The following RBM44 variants were observed in gnomAD, a reference collection of about 807,000 sequenced individuals.
The protein encoded by RBM44 is RNA binding motif protein 44.
Under a neutral mutation model 105.1 loss-of-function variants are expected in RBM44, and 66 were observed. The observed-to-expected ratio is 0.63, with a 90% CI of 0.52 to 0.77. RBM44 has a LOEUF of 0.77. Ranked by LOEUF, RBM44 falls within the 30% of genes least tolerant of loss-of-function variation. The pLI is 0.00. For synonymous variants in RBM44, 365 were observed against 417.6 expected (o/e 0.87, Z 1.54); for missense variants, 1,122 against 1,207.8 (o/e 0.93, Z 1.05).
chr2:237,815,754 C>G (rs1013835576), intron 2 of RBM44, among the ~76,000 whole-genome samples: 29 of 152,090 alleles, frequency 1.9e-4, no homozygotes, highest in African/African-American at 5.8e-4. Context: ...CCACTGCTCT[C>G]TCTCTTCCTC....
chr2:237,807,685 G>C (rs1037465626), intron 1 of RBM44, among the ~76,000 whole-genome samples: 5 of 152,226 alleles, frequency 3.3e-5, no homozygotes, highest in African/African-American at 1.2e-4. Context: ...CGGGTGATCA[G>C]AGGTGAGACC....
rs1195837337 is a variant in RBM44 at position 237,813,618 on chromosome 2, C to T, written c.9C>T (p.Ala3=). The T allele has an allele frequency of 1.2e-6, 2 of 1,603,648 alleles. No individual in the cohort carries two copies. The highest frequency in any genetic ancestry group is 1.7e-6 in the Non-Finnish European group (2 of 1,171,000). Residue 3 remains alanine, a synonymous_variant, in exon 2 of 16, where the codon GCC becomes GCT. Coordinates refer to ENST00000316997, the MANE Select transcript of RBM44 (RefSeq NM_001080504.3). The stretch of plus-strand genomic sequence containing the variant: ...TTATATATCTTTGAATGATGCAGGC[C>T]ACTGCAGTGGTGGAGACAGCATCTG... The part of the protein sequence containing the change: MQ[A]TAVVETASGK...
intron 10 of RBM44, among the ~76,000 whole-genome samples, chr2:237,825,932 C>T (rs181078489): frequency 5.9e-5 from 9 of 152,108 alleles, no homozygotes; most frequent in South Asian, 2.1e-4. Context: ...GGTATTATTA[C>T]CTAAGCTGAC....
At chr2:237,830,004 A>C (rs909961035) in intron 13 of RBM44, among the ~76,000 whole-genome samples, 1 of 152,128 alleles carries the variant, frequency 6.6e-6, no homozygotes, top group Non-Finnish European at 1.5e-5. Context: ...TTAAAAAAAA[A>C]ATTACGCACA....
At chr2:237,802,989 A>G (rs1389513088) in intron 1 of RBM44, among the ~76,000 whole-genome samples, 1 of 152,212 alleles carries the variant, frequency 6.6e-6, no homozygotes, top group Non-Finnish European at 1.5e-5. Context: ...CATTTTGGCC[A>G]GGTGCACTGG....
At chr2:237,840,207 A>AAG (rs1559925929) in intron 15 of RBM44, among the ~76,000 whole-genome samples, 1 of 151,164 alleles carries the variant, frequency 6.6e-6, no homozygotes, top group Admixed American at 6.6e-5. Context: ...AAAAAAAAAA[A>AAG]AAAGGGCACA....
At chr2:237,823,667 G>T (rs1340521948) in intron 9 of RBM44, 113 bp downstream of exon 9, 2 of 576,760 alleles carry the variant, frequency 3.5e-6, no homozygotes, top group Admixed American at 6.7e-5. Context: ...TGATGGAAAG[G>T]CATCATTCTG....
intron 8 of RBM44, 121 bp downstream of exon 8, chr2:237,821,948 T>C: frequency 1.5e-6 from 1 of 661,868 alleles, no homozygotes; most frequent in Non-Finnish European, 2.7e-6. Flanking sequence ...CTTTGTGTAC[T>C]ACCATTTGAG....
intron 9 of RBM44, 100 bp from the exon 10 acceptor site, chr2:237,824,191 A>G (rs542095903): frequency 9.7e-7 from 1 of 1,031,484 alleles, no homozygotes; most frequent in Non-Finnish European, 1.4e-6. Flanking sequence ...ATAAAACTCT[A>G]GTAGTCATCA....
Position 237,821,343 on chromosome 2 carries a change from C to A in RBM44, c.2098-3C>A, listed in dbSNP as rs1364695478. 1.3e-6 allele frequency: 2 copies of A among 1,562,814 alleles called. No individual in the cohort carries two copies. Among genetic ancestry groups the A allele is most frequent in the African/African-American group, 1.4e-5 (1 of 73,164 alleles). On this transcript the variant is annotated splice_region_variant and splice_polypyrimidine_tract_variant and intron_variant, in intron 6 of 15. Coordinates refer to ENST00000316997, the MANE Select transcript of RBM44 (RefSeq NM_001080504.3). ...GATTTTTTTTCCTTTTCTCTCCTTCCAGCTAATGAAAAAAGAAACACATGT... is the reference window on the plus strand; with the variant it reads ...GATTTTTTTTCCTTTTCTCTCCTTCAAGCTAATGAAAAAAGAAACACATGT...
intron 6 of RBM44, 45 bp from the exon 7 acceptor site, chr2:237,821,301 A>AAAACATTTT: frequency 1.3e-6 from 2 of 1,556,438 alleles, no homozygotes; most frequent in Non-Finnish European, 1.7e-6. Context: ...TCATTTAGAC[A>AAAACATTTT]AAACATTTTA....
intron 1 of RBM44, among the ~76,000 whole-genome samples, chr2:237,809,602 T>G (rs2150970861): frequency 6.6e-6 from 1 of 152,336 alleles, no homozygotes; most frequent in South Asian, 2.1e-4. Flanking sequence ...TTGGAATGCC[T>G]CAGTGCCTAA....
chr2:237,835,097 T>C (rs887821269), intron 15 of RBM44, among the ~76,000 whole-genome samples: 2 of 152,206 alleles, frequency 1.3e-5, no homozygotes, highest in African/African-American at 4.8e-5. Context: ...TTGTGACGCC[T>C]GTATGGTGAT....
At chr2:237,837,193 G>C (rs2061968713) in intron 15 of RBM44, among the ~76,000 whole-genome samples, 2 of 152,150 alleles carry the variant, frequency 1.3e-5, no homozygotes, top group African/African-American at 2.4e-5. Flanking sequence ...CAAGAACTCT[G>C]ATGGAGATGT....
At chr2:237,829,611 C>A in intron 13 of RBM44, 109 bp downstream of exon 13, 1 of 966,720 alleles carries the variant, frequency 1.0e-6, no homozygotes, top group Non-Finnish European at 1.5e-6. Context: ...GGAATGACAG[C>A]ATTAATCTGA....
At chr2:237,827,556 A>C (rs2061860857) in intron 12 of RBM44, 53 bp downstream of exon 12, 1 of 1,046,620 alleles carries the variant, frequency 9.6e-7, no homozygotes, top group African/African-American at 1.6e-5. Flanking sequence ...GCTGTTTGCC[A>C]AAGGTTCTAT....
intron 1 of RBM44, among the ~76,000 whole-genome samples, chr2:237,800,702 A>G (rs2150964105): frequency 6.6e-6 from 1 of 152,308 alleles, no homozygotes; most frequent in South Asian, 2.1e-4. Context: ...CAAATAAAAA[A>G]AAATACTCCT....
chr2:237,821,925 C>T, intron 8 of RBM44, 98 bp downstream of exon 8: 2 of 748,672 alleles, frequency 2.7e-6, no homozygotes, highest in Non-Finnish European at 4.6e-6. Context: ...CTTCTTTTCA[C>T]TCAACTGGCT....
Position 237,834,009 on chromosome 2 carries a change from A to G in RBM44, c.2899A>G (p.Asn967Asp). The G allele has an allele frequency of 1.3e-6, 2 of 1,531,954 alleles. No homozygotes were observed. Among genetic ancestry groups the G allele is most frequent in the Non-Finnish European group, 1.8e-6 (2 of 1,136,038 alleles). The allele number at this position is 1,531,954 out of a possible 1,614,324, so 94.9% of individuals were successfully genotyped here. Reference sequence around the variant, plus strand: ...AATGCTTATTTAGGGTGTCAAGAAGAATTGTAAGCAGATTGAATCTGCTAA... The same window carrying G: ...AATGCTTATTTAGGGTGTCAAGAAGGATTGTAAGCAGATTGAATCTGCTAA... The part of the protein sequence containing the change: ...VFPSDQGVKK[N>D]CKQIESAKLL... Residue 967 changes from asparagine to aspartate, a missense_variant, in exon 14 of 16, where the codon AAT (asparagine) becomes GAT (aspartate). By Grantham distance (23) the Asn-to-Asp change is conservative. Transcript: ENST00000316997.
Sources: gnomAD v4.1 joint callset for allele counts (sites outside exome capture counted in the v4.1 genomes callset) on GRCh38, gnomAD v4.1.1 for gene constraint, MANE v1.5 for transcripts, NCBI Gene and HGNC (gene_info 2026-07-23, HGNC 2026-07-21) for gene names.